CAP2: variants seen among roughly 807,000 people sequenced by gnomAD.
CAP2 encodes cyclase associated actin cytoskeleton regulatory protein 2.
In CAP2, 24 loss-of-function variants were observed where a neutral mutation model predicts 57.7. The observed-to-expected ratio is 0.42, with a 90% confidence interval of 0.30 to 0.58. CAP2 has a LOEUF of 0.58. Ranked by LOEUF, CAP2 falls within the 20% of genes least tolerant of loss-of-function variation. CAP2 has a pLI of 0.22. For synonymous variants in CAP2, 194 were observed against 207.2 expected (o/e 0.94, Z 0.55); for missense variants, 501 against 590.3 (o/e 0.85, Z 1.57).
At chr6:17,439,234 C>T (rs1468145302) in intron 3 of CAP2, among the ~76,000 whole-genome samples, 1 of 144,954 alleles carries the variant, frequency 6.9e-6, no homozygotes, top group Non-Finnish European at 1.5e-5. Flanking sequence ...TGGTGAATGA[C>T]GTTAAGGCAT....
intron 4 of CAP2, among the ~76,000 whole-genome samples, chr6:17,478,590 TTAGTC>T (rs1313333369): frequency 6.6e-6 from 1 of 152,098 alleles, no homozygotes; most frequent in Non-Finnish European, 1.5e-5. Context: ...ATCCTTCTGT[TTAGTC>T]TACAAGCCAA....
At chr6:17,458,690 G>GA (rs975617236) in intron 3 of CAP2, among the ~76,000 whole-genome samples, 1 of 152,046 alleles carries the variant, frequency 6.6e-6, no homozygotes, top group Non-Finnish European at 1.5e-5. Flanking sequence ...ATCTGTTTTT[G>GA]AAAATGTATT....
intron 4 of CAP2, among the ~76,000 whole-genome samples, chr6:17,476,561 C>T (rs1257600598): frequency 1.3e-5 from 2 of 152,190 alleles, no homozygotes; most frequent in Non-Finnish European, 2.9e-5. Flanking sequence ...TCAGAAGTAA[C>T]AATCAAAGAA....
At chr6:17,421,981 C>G (rs114489779) in intron 2 of CAP2, among the ~76,000 whole-genome samples, 2,902 of 152,302 alleles carry the variant, frequency 0.019, 47 homozygotes, top group South Asian at 0.059. Context: ...CTCCTGGGCT[C>G]AAGGCATCTC....
intron 10 of CAP2, 33 bp downstream of exon 10, chr6:17,542,993 G>T (rs1291148850): frequency 2.0e-5 from 33 of 1,612,698 alleles, no homozygotes; most frequent in Non-Finnish European, 2.7e-5. Context: ...TGGTTATTAT[G>T]ATGTTTTATA....
At chr6:17,548,158 G>A (rs1344192320) in intron 11 of CAP2, among the ~76,000 whole-genome samples, 1 of 152,030 alleles carries the variant, frequency 6.6e-6, no homozygotes, top group Non-Finnish European at 1.5e-5. Flanking sequence ...ATGAGGTCAG[G>A]AGATTGAGAT....
intron 7 of CAP2, among the ~76,000 whole-genome samples, chr6:17,532,947 C>A (rs746032454): frequency 1.9e-4 from 28 of 151,232 alleles, no homozygotes; most frequent in Admixed American, 4.0e-4. Context: ...CTCCTGTAAT[C>A]CCAGCTACTC....
chr6:17,467,576 T>C (rs888932338), intron 4 of CAP2, among the ~76,000 whole-genome samples: 1 of 152,082 alleles, frequency 6.6e-6, no homozygotes, highest in Non-Finnish European at 1.5e-5. Flanking sequence ...CAGGCTGGAG[T>C]GCAGTGGCGC....
At chr6:17,512,345 A>G (rs1299299216) in intron 6 of CAP2, among the ~76,000 whole-genome samples, 2 of 151,946 alleles carry the variant, frequency 1.3e-5, no homozygotes, top group East Asian at 3.9e-4. Flanking sequence ...ACAGCAAGCT[A>G]TGATCTCACC....
At chr6:17,444,804 CCACACACACACACACACA>C (rs142931025) in intron 3 of CAP2, among the ~76,000 whole-genome samples, 4 of 140,406 alleles carry the variant, frequency 2.8e-5, no homozygotes, top group East Asian at 4.3e-4. Context: ...TTCTCTCTCT[CCACACACACACACACACA>C]CACACACACA....
At chr6:17,500,847 ACT>A (rs1761803032) in intron 4 of CAP2, among the ~76,000 whole-genome samples, 1 of 152,206 alleles carries the variant, frequency 6.6e-6, no homozygotes, top group South Asian at 2.1e-4. Flanking sequence ...TGTGCTGTGC[ACT>A]CACACACATA....
At chr6:17,431,321 A>G (rs1425869410) in intron 3 of CAP2, among the ~76,000 whole-genome samples, 1 of 152,176 alleles carries the variant, frequency 6.6e-6, no homozygotes, top group Non-Finnish European at 1.5e-5. Context: ...AAAAAAAGAT[A>G]TCGTTAAAAA....
intron 3 of CAP2, among the ~76,000 whole-genome samples, chr6:17,442,919 T>C (rs1760131469): frequency 6.6e-6 from 1 of 152,056 alleles, no homozygotes; most frequent in African/African-American, 2.4e-5. Flanking sequence ...AGTTTCACCA[T>C]GTTGACCAGG....
At chr6:17,544,967 T>G (rs899630811) in intron 11 of CAP2, among the ~76,000 whole-genome samples, 3 of 152,210 alleles carry the variant, frequency 2.0e-5, no homozygotes, top group Non-Finnish European at 1.5e-5. Context: ...AAAAGCCCGG[T>G]ACTTCAAGGA....
In CAP2 at chr6:17,410,404, G is replaced by A. The variant is rs372547325; in HGVS notation, c.-1-11151G>A. Reference sequence around the variant, plus strand: ...TCACCTCTCCCCCAGTGATTCTTACGCAGATGAAAAAGAGTGGTGAGAATC... The same window carrying A: ...TCACCTCTCCCCCAGTGATTCTTACACAGATGAAAAAGAGTGGTGAGAATC... On this transcript the variant is annotated intron_variant, in intron 1 of 12. Transcript: ENST00000229922. 4.5e-4 allele frequency among the ~76,000 whole-genome samples: 68 copies of A among 152,236 alleles called. 2 individuals are homozygous for A. In the South Asian group the frequency reaches 0.013, roughly 30 times the overall value.
At chr6:17,415,195 G>C (rs1759243492) in intron 1 of CAP2, among the ~76,000 whole-genome samples, 1 of 152,164 alleles carries the variant, frequency 6.6e-6, no homozygotes, top group Admixed American at 6.5e-5. Context: ...AGAACTTTCA[G>C]CTAGCAATCA....
chr6:17,497,146 A>G (rs1761689024), intron 4 of CAP2, among the ~76,000 whole-genome samples: 1 of 152,238 alleles, frequency 6.6e-6, no homozygotes, highest in Admixed American at 6.5e-5. Flanking sequence ...ATTTCTGATC[A>G]CTATACATTG....
intron 11 of CAP2, among the ~76,000 whole-genome samples, chr6:17,544,716 G>A (rs1463178006): frequency 6.6e-6 from 1 of 152,168 alleles, no homozygotes; most frequent in East Asian, 1.9e-4. Context: ...CCATGGCCCA[G>A]CTAATTTTTT....
rs530404037 is a variant in CAP2, at chr6:17,440,737, T to C, written c.222+14047T>C. Among the ~76,000 whole-genome samples the C allele has an allele frequency of 4.0e-5, 6 of 151,364 alleles. No individual in the cohort carries two copies. The South Asian group carries it at 1.2e-3, about 31-fold the overall frequency. On this transcript the variant is annotated intron_variant, in intron 3 of 12. Transcript: ENST00000229922. The stretch of plus-strand genomic sequence containing the variant: ...GCACAACATGCAGGTTTGTTACATA[T>C]GTACTCATGTGCCGTGTTGGTTTGC...
Sources: gnomAD v4.1 joint callset for allele counts (sites outside exome capture counted in the v4.1 genomes callset) on GRCh38, gnomAD v4.1.1 for gene constraint, MANE v1.5 for transcripts, NCBI Gene and HGNC (gene_info 2026-07-23, HGNC 2026-07-21) for gene names.